The following SLC26A7 variants were observed in gnomAD, a reference collection of about 807,000 sequenced individuals.
The protein encoded by SLC26A7 is anion exchange transporter.
Under a neutral mutation model 82.5 loss-of-function variants are expected in SLC26A7, and 59 were observed. The ratio of observed to expected loss-of-function variants is 0.72; its 90% CI spans 0.58 to 0.89. SLC26A7 has a LOEUF of 0.89. Among genes scored for constraint, SLC26A7 ranks in the 40% least tolerant of loss-of-function variants. The probability of loss-of-function intolerance (pLI) is 0.00; values close to 1 mark genes in which losing one functional copy is unlikely to be tolerated. For missense variants in SLC26A7, 820 were observed against 793.0 expected (o/e 1.03, Z -0.41); for synonymous variants, 271 against 274.3 (o/e 0.99, Z 0.12).
intron 9 of SLC26A7, chr8:91,348,499 T>C: frequency 2.8e-6 from 1 of 353,432 alleles, no homozygotes; most frequent in Non-Finnish European, 4.0e-6. Context: ...TATAGATTAT[T>C]TCATTATCTT....
At chr8:91,325,956 T>C (rs1812920708) in intron 5 of SLC26A7, among the ~76,000 whole-genome samples, 2 of 152,276 alleles carry the variant, frequency 1.3e-5, no homozygotes, top group South Asian at 4.1e-4. Context: ...GGTTGATTTC[T>C]GAGGTTTTTT....
intron 2 of SLC26A7, among the ~76,000 whole-genome samples, chr8:91,235,116 G>A (rs569357004): frequency 4.6e-5 from 7 of 151,968 alleles, no homozygotes; most frequent in Admixed American, 2.6e-4. Flanking sequence ...TGGAAAGTGG[G>A]TTTTGACATG....
chr8:91,281,316 G>A (rs943043990), intron 2 of SLC26A7, among the ~76,000 whole-genome samples: 1 of 152,162 alleles, frequency 6.6e-6, no homozygotes, highest in Non-Finnish European at 1.5e-5. Flanking sequence ...AAAGGGTGTA[G>A]TTCTTAGTCT....
At chr8:91,284,312 G>T (rs540210174) in intron 2 of SLC26A7, among the ~76,000 whole-genome samples, 15 of 152,308 alleles carry the variant, frequency 9.8e-5, no homozygotes, top group Non-Finnish European at 2.1e-4. Flanking sequence ...GAAGCAGGCT[G>T]GGAGTATAGG....
At chr8:91,322,248 T>A (rs1403257040) in intron 5 of SLC26A7, among the ~76,000 whole-genome samples, 1 of 152,158 alleles carries the variant, frequency 6.6e-6, no homozygotes, top group African/African-American at 2.4e-5. Flanking sequence ...AAAAGCTATG[T>A]TTTTTAGTTT....
chr8:91,348,426 G>C, intron 9 of SLC26A7: 1 of 859,448 alleles, frequency 1.2e-6, no homozygotes. Context: ...TGCATGTATG[G>C]TCATCTTTGT....
chr8:91,338,160 C>T lies in SLC26A7; in HGVS notation c.806C>T (p.Ala269Val), dbSNP rs751108219. 2.5e-6 allele frequency: 4 copies of T among 1,608,892 alleles called. No individual in the cohort carries two copies. Among genetic ancestry groups the T allele is most frequent in the African/African-American group, 1.3e-5 (1 of 74,738 alleles). The change falls in exon 7 of 19, where the codon GCA becomes GTA. Residue 269 changes from alanine (A) to valine (V), a missense_variant. Physicochemically the swap from Ala to Val is moderately conservative, Grantham distance 64. Transcript: ENST00000276609. ...LPVDLVLIIA[A>V]SFACYCTNME... ...AATGGAACCACACAGATTATTGCTGCATCATTTGCTTGTTATTGCACCAAT... is the reference window on the plus strand; with the variant it reads ...AATGGAACCACACAGATTATTGCTGTATCATTTGCTTGTTATTGCACCAAT...
At chr8:91,338,027 C>A in intron 6 of SLC26A7, 123 bp from the exon 7 acceptor site, 1 of 527,872 alleles carries the variant, frequency 1.9e-6, no homozygotes, top group Non-Finnish European at 3.1e-6. Context: ...GTCTGTGCAA[C>A]TGCTAGATTA....
intron 9 of SLC26A7, among the ~76,000 whole-genome samples, chr8:91,347,607 T>C (rs1417068406): frequency 6.6e-6 from 1 of 152,170 alleles, no homozygotes; most frequent in Non-Finnish European, 1.5e-5. Flanking sequence ...GAGGCTGTTT[T>C]GACAGTGAAT....
intron 1 of SLC26A7, among the ~76,000 whole-genome samples, chr8:91,214,661 T>C (rs1000096778): frequency 5.3e-5 from 8 of 152,178 alleles, no homozygotes; most frequent in African/African-American, 1.9e-4. Flanking sequence ...CAGTCTCTTC[T>C]AGCATGAAAA....
intron 15 of SLC26A7, among the ~76,000 whole-genome samples, chr8:91,374,057 C>T (rs1814439522): frequency 6.6e-6 from 1 of 151,784 alleles, no homozygotes; most frequent in Non-Finnish European, 1.5e-5. Flanking sequence ...GATTTCTGTG[C>T]TATCAGTTGT....
At chr8:91,212,852 CTTATTGT>C (rs1809956781) in intron 1 of SLC26A7, among the ~76,000 whole-genome samples, 1 of 152,090 alleles carries the variant, frequency 6.6e-6, no homozygotes, top group South Asian at 2.1e-4. Context: ...ATATATATTT[CTTATTGT>C]TTTATTCCAA....
chr8:91,363,960 T>A (rs907609582), intron 13 of SLC26A7, among the ~76,000 whole-genome samples: 7 of 121,246 alleles, frequency 5.8e-5, no homozygotes, highest in African/African-American at 2.4e-4. Context: ...TTTTTTTTTC[T>A]TAACTCAGTC....
intron 4 of SLC26A7, among the ~76,000 whole-genome samples, chr8:91,316,656 T>A (rs1812641676): frequency 6.6e-6 from 1 of 151,672 alleles, no homozygotes; most frequent in Non-Finnish European, 1.5e-5. Context: ...ATGAACACAT[T>A]AAGAAGTTAT....
chr8:91,220,041 T>G (rs1235456132), intron 2 of SLC26A7, among the ~76,000 whole-genome samples: 1 of 152,142 alleles, frequency 6.6e-6, no homozygotes, highest in Non-Finnish European at 1.5e-5. Flanking sequence ...TTTTATGAGT[T>G]TAATTCAGGT....
intron 2 of SLC26A7, among the ~76,000 whole-genome samples, chr8:91,256,281 G>T (rs942099811): frequency 3.9e-5 from 6 of 152,100 alleles, no homozygotes; most frequent in African/African-American, 1.4e-4. Context: ...GGTGAGAGCA[G>T]GATCTAGCCA....
At chr8:91,315,748 T>C (rs1222029487) in intron 4 of SLC26A7, among the ~76,000 whole-genome samples, 1 of 152,206 alleles carries the variant, frequency 6.6e-6, no homozygotes, top group East Asian at 1.9e-4. Flanking sequence ...TTAGAAAATG[T>C]AGTGTGGCCC....
Position 91,374,648 on chromosome 8 carries a change from G to A in SLC26A7, c.1675+4815G>A, listed in dbSNP as rs372666422. On this transcript the variant is annotated intron_variant, in intron 15 of 18. Coordinates refer to ENST00000276609, the MANE Select transcript of SLC26A7 (RefSeq NM_052832.4). ...TTATTTAGATTTGCTTTATGATCAA[G>A]CATGTGGTCAATTTTACAGAATGTT... 1.7e-4 allele frequency among the ~76,000 whole-genome samples: 26 copies of A among 151,884 alleles called. 1 individual carries two copies. The highest frequency in any genetic ancestry group is 5.6e-4 in the African/African-American group (23 of 41,414).
At chr8:91,285,835 CAT>C (rs969650697) in intron 2 of SLC26A7, among the ~76,000 whole-genome samples, 4 of 152,208 alleles carry the variant, frequency 2.6e-5, no homozygotes, top group African/African-American at 9.6e-5. Flanking sequence ...GCCAACAAAA[CAT>C]AGAGTATCTA....
Sources: allele counts gnomAD v4.1 joint callset (sites outside exome capture counted in the v4.1 genomes callset), GRCh38; gene constraint gnomAD v4.1.1; transcripts MANE v1.5; gene names NCBI Gene and HGNC (gene_info 2026-07-23, HGNC 2026-07-21).